The following STK32C variants were observed in gnomAD, a reference collection of about 807,000 sequenced individuals.
STK32C encodes the protein serine/threonine kinase 32C.
STK32C carries 31 observed loss-of-function variants against 56.5 expected under a neutral mutation model. The ratio of observed to expected loss-of-function variants is 0.55; its 90% CI spans 0.41 to 0.74. STK32C has a LOEUF of 0.74. Among genes scored for constraint, STK32C ranks in the 30% least tolerant of loss-of-function variants. The pLI is 0.00. For synonymous variants in STK32C, 309 were observed against 289.4 expected, an observed-to-expected ratio of 1.07 and a Z score of -0.69; for missense variants, 544 against 676.9, an observed-to-expected ratio of 0.80 and a Z score of 2.18.
chr10:132,273,767 T>C (rs2064908965), intron 1 of STK32C, among the ~76,000 whole-genome samples: 1 of 152,016 alleles, frequency 6.6e-6, no homozygotes, highest in African/African-American at 2.4e-5. Flanking sequence ...AGTGAGTGAA[T>C]GAACACATGG....
chr10:132,209,280 C>A, intron 10 of STK32C, 179 bp from the exon 11 acceptor site: 1 of 709,356 alleles, frequency 1.4e-6, no homozygotes, highest in South Asian at 1.5e-5. Context: ...GCTCGCATCT[C>A]TGCGGGTGAC....
At chr10:132,252,260 ACACT>A in intron 1 of STK32C, among the ~76,000 whole-genome samples, 1 of 152,346 alleles carries the variant, frequency 6.6e-6, no homozygotes, top group South Asian at 2.1e-4. Flanking sequence ...TGTGGGGGAA[ACACT>A]CAACAAGCCC....
chr10:132,268,944 CATGT>C (rs2064714819), intron 1 of STK32C, among the ~76,000 whole-genome samples: 1 of 121,350 alleles, frequency 8.2e-6, no homozygotes, highest in African/African-American at 3.5e-5. Context: ...TGTGTGCATG[CATGT>C]CTCACATCGT....
chr10:132,324,245 C>G (rs139938632), exon 2 of STK32C: 3 of 779,802 alleles, frequency 3.8e-6, no homozygotes, highest in Admixed American at 3.4e-5. Context: ...TACACACCCC[C>G]TCTTGATGGG....
At chr10:132,235,237 C>T (rs1230644614) in intron 2 of STK32C, among the ~76,000 whole-genome samples, 7 of 152,126 alleles carry the variant, frequency 4.6e-5, no homozygotes, top group Non-Finnish European at 1.0e-4. Context: ...GTGGCTCACA[C>T]CTGTAATCTC....
chr10:132,308,552 C>T (rs949297904), upstream of STK32C, among the ~76,000 whole-genome samples: 1 of 151,188 alleles, frequency 6.6e-6, no homozygotes, highest in African/African-American at 2.4e-5. Context: ...CAGGCTGAGT[C>T]CAAGCGCTGC....
At chr10:132,326,370 C>A (rs1290985491) in intron 1 of STK32C, among the ~76,000 whole-genome samples, 1 of 152,076 alleles carries the variant, frequency 6.6e-6, no homozygotes, top group Admixed American at 6.5e-5. Flanking sequence ...TTTCACCCTG[C>A]CACCAGGCTG....
intron 1 of STK32C, among the ~76,000 whole-genome samples, chr10:132,269,202 T>C (rs2064730779): frequency 6.6e-6 from 1 of 151,780 alleles, no homozygotes; most frequent in Non-Finnish European, 1.5e-5. Flanking sequence ...TGTGTGTGCA[T>C]GCATGTGCCT....
rs1419780536 is a variant in STK32C at position 132,225,615 on chromosome 10, T to C, written c.684A>G (p.Gly228=). ...KPDNILLDER[G]HAHLTDFNIA... ...TGTTGAAGTCGGTCAGGTGTGCATGTCCTGTGCAGAGAGGGGTCAGGTGTG... is the reference window on the plus strand; with the variant it reads ...TGTTGAAGTCGGTCAGGTGTGCATGCCCTGTGCAGAGAGGGGTCAGGTGTG... The change falls in exon 6 of 12, where the codon GGA becomes GGG. Residue 228 remains glycine, a splice_region_variant and synonymous_variant. Transcript: ENST00000298630. 6.2e-7 allele frequency: 1 copy of C among 1,612,274 alleles called. No individual in the cohort carries two copies. The highest frequency in any genetic ancestry group is 8.5e-7 in the Non-Finnish European group (1 of 1,178,790).
intron 1 of STK32C, among the ~76,000 whole-genome samples, chr10:132,282,017 C>CGCCT (rs1355031975): frequency 1.3e-5 from 2 of 152,228 alleles, no homozygotes; most frequent in Non-Finnish European, 2.9e-5. Context: ...CAGAGGGAGG[C>CGCCT]GCCTCCCTGA....
At chr10:132,279,530 CA>C (rs1330812551) in intron 1 of STK32C, among the ~76,000 whole-genome samples, 1 of 152,024 alleles carries the variant, frequency 6.6e-6, no homozygotes, top group African/African-American at 2.4e-5. Flanking sequence ...GGGGCTGTGG[CA>C]GGGGGATGGC....
chr10:132,258,640 G>A (rs2064205105), intron 1 of STK32C, among the ~76,000 whole-genome samples: 1 of 152,248 alleles, frequency 6.6e-6, no homozygotes, highest in Non-Finnish European at 1.5e-5. Context: ...CTCACAGCCG[G>A]TCCTCTGGGC....
At chr10:132,209,417 C>T in intron 10 of STK32C, 1 of 572,722 alleles carries the variant, frequency 1.7e-6, no homozygotes, top group Non-Finnish European at 3.3e-6. Flanking sequence ...GAAACCACTC[C>T]CTTGCCGGGC....
At chr10:132,238,746 G>A (rs1174280173) in intron 2 of STK32C, among the ~76,000 whole-genome samples, 6 of 152,190 alleles carry the variant, frequency 3.9e-5, no homozygotes, top group East Asian at 1.9e-4. Flanking sequence ...ACATTAAAGC[G>A]TTGGAAATAC....
chr10:132,299,698 G>A (rs929511385), intron 1 of STK32C, among the ~76,000 whole-genome samples: 2 of 152,252 alleles, frequency 1.3e-5, no homozygotes, highest in African/African-American at 4.8e-5. Flanking sequence ...ACAGCATCGT[G>A]AGAAACCACA....
intron 2 of STK32C, among the ~76,000 whole-genome samples, chr10:132,237,477 C>T (rs923367757): frequency 5.3e-5 from 8 of 152,274 alleles, no homozygotes; most frequent in South Asian, 4.1e-4. Flanking sequence ...CCCAGAGAGA[C>T]GGGCCCGGCA....
intron 2 of STK32C, among the ~76,000 whole-genome samples, chr10:132,237,471 G>C (rs1342141375): frequency 6.6e-6 from 1 of 152,276 alleles, no homozygotes; most frequent in Non-Finnish European, 1.5e-5. Flanking sequence ...GGGTGACCCA[G>C]AGAGACGGGC....
chr10:132,274,926 G>A (rs903790771), intron 1 of STK32C, among the ~76,000 whole-genome samples: 2 of 152,186 alleles, frequency 1.3e-5, no homozygotes, highest in African/African-American at 4.8e-5. Flanking sequence ...TCCCTGGAGG[G>A]TGCCCCAGCT....
chr10:132,256,150 A>C (rs925885799), intron 1 of STK32C, among the ~76,000 whole-genome samples: 1 of 152,212 alleles, frequency 6.6e-6, no homozygotes, highest in African/African-American at 2.4e-5. Context: ...CTTTTCTGTG[A>C]AACAGACACA....
Sources: allele counts gnomAD v4.1 joint callset (sites outside exome capture counted in the v4.1 genomes callset), GRCh38; gene constraint gnomAD v4.1.1; transcripts MANE v1.5; gene names NCBI Gene and HGNC (gene_info 2026-07-23, HGNC 2026-07-21).